The following RFC3 variants were observed in gnomAD, a reference collection of about 807,000 sequenced individuals.
The protein encoded by RFC3 is A1 38 kDa subunit.
RFC3 carries 41 observed loss-of-function variants against 45.1 expected under a neutral mutation model. The ratio of observed to expected loss-of-function variants is 0.91; its 90% confidence interval spans 0.71 to 1.18. The LOEUF (loss-of-function observed/expected upper bound fraction) is 1.18, where lower values mean the gene tolerates loss of function less well. Ranked by LOEUF, RFC3 falls within the 50% of genes most tolerant of loss-of-function variation. The probability of loss-of-function intolerance (pLI) is 0.00; values close to 1 mark genes in which losing one functional copy is unlikely to be tolerated. For missense variants in RFC3, 423 were observed against 428.1 expected, an observed-to-expected ratio of 0.99 and a Z score of 0.10; for synonymous variants, 149 against 144.0, an observed-to-expected ratio of 1.03 and a Z score of -0.25.
intron 8 of RFC3, among the ~76,000 whole-genome samples, chr13:33,845,340 A>G (rs1275660320): frequency 1.3e-5 from 2 of 151,632 alleles, no homozygotes; most frequent in Non-Finnish European, 2.9e-5. Flanking sequence ...GTTCTCTGTT[A>G]CTATCCATTT....
intron 8 of RFC3, among the ~76,000 whole-genome samples, chr13:33,865,482 G>A (rs117543083): frequency 4.0e-5 from 6 of 151,888 alleles, no homozygotes; most frequent in African/African-American, 7.3e-5. Context: ...TAAGAAAAGA[G>A]TAACAGGACT....
downstream of RFC3, among the ~76,000 whole-genome samples, chr13:33,838,072 A>G (rs146040873): frequency 1.3e-5 from 2 of 152,012 alleles, no homozygotes; most frequent in African/African-American, 4.8e-5. Flanking sequence ...AAATATTGAA[A>G]TCTCCCTCCA....
intron 8 of RFC3, among the ~76,000 whole-genome samples, chr13:33,945,686 C>T (rs933828242): frequency 6.6e-6 from 1 of 152,192 alleles, no homozygotes; most frequent in African/African-American, 2.4e-5. Context: ...CACTACATGC[C>T]TTTAGGGATA....
At chr13:33,880,153 T>G (rs1253181682) in intron 8 of RFC3, among the ~76,000 whole-genome samples, 1 of 152,202 alleles carries the variant, frequency 6.6e-6, no homozygotes, top group Non-Finnish European at 1.5e-5. Flanking sequence ...TTCTGAGGAT[T>G]AGGACATAGA....
intron 8 of RFC3, among the ~76,000 whole-genome samples, chr13:33,949,156 A>G (rs2082973199): frequency 6.6e-6 from 1 of 152,086 alleles, no homozygotes; most frequent in Non-Finnish European, 1.5e-5. Context: ...GCATGGGGGC[A>G]GTTTCCCCCA....
intron 8 of RFC3, among the ~76,000 whole-genome samples, chr13:33,957,288 C>G (rs1355549368): frequency 6.6e-6 from 1 of 152,172 alleles, no homozygotes; most frequent in Non-Finnish European, 1.5e-5. Flanking sequence ...GATGATCAAG[C>G]CTGCATTTCT....
chr13:33,899,783 A>C (rs2082627902), intron 8 of RFC3, among the ~76,000 whole-genome samples: 1 of 151,970 alleles, frequency 6.6e-6, no homozygotes, highest in African/African-American at 2.4e-5. Flanking sequence ...AGAAAAACCT[A>C]AAGACTTCAC....
At chr13:33,863,214 A>AATAC (rs1349847798) in intron 8 of RFC3, among the ~76,000 whole-genome samples, 1 of 152,252 alleles carries the variant, frequency 6.6e-6, no homozygotes, top group Admixed American at 6.5e-5. Flanking sequence ...GAATGAAAAC[A>AATAC]ATACATACAT....
At chr13:33,934,931 C>G (rs1223937223) in intron 8 of RFC3, among the ~76,000 whole-genome samples, 2 of 152,156 alleles carry the variant, frequency 1.3e-5, no homozygotes, top group African/African-American at 4.8e-5. Flanking sequence ...CGAATCCCCC[C>G]ATTCCTGATG....
At chr13:33,861,189 T>C (rs2082338611) in intron 8 of RFC3, among the ~76,000 whole-genome samples, 1 of 152,342 alleles carries the variant, frequency 6.6e-6, no homozygotes, top group South Asian at 2.1e-4. Flanking sequence ...TTGTAAAATA[T>C]AAAAATAGAG....
chr13:33,972,915 G>C, the RFC3 span, among the ~76,000 whole-genome samples: 1 of 152,146 alleles, frequency 6.6e-6, no homozygotes, highest in Non-Finnish European at 1.5e-5. Context: ...GGCTTTATGG[G>C]ACCTACCTTG....
At chr13:33,971,049 TAA>T (rs368759572), downstream of RFC3, among the ~76,000 whole-genome samples, 1 of 151,836 alleles carries the variant, frequency 6.6e-6, no homozygotes, top group Non-Finnish European at 1.5e-5. Context: ...CCTTTTTTAT[TAA>T]AAAAAATATA....
In RFC3 at chr13:33,818,231, A is replaced by G. The variant is rs781125577; in HGVS notation, c.53A>G (p.Tyr18Cys). 30 of 1,613,564 alleles carry G rather than the reference A, an allele frequency of 1.9e-5. 1 individual carries two copies. The South Asian group carries it at 2.3e-4, about 12-fold the overall frequency. Reference protein sequence around the residue: ...YRPCSLGRLDYHKEQAAQLRN... With the variant: ...YRPCSLGRLDCHKEQAAQLRN... Reference sequence around the variant, plus strand: ...CCCTGCTCCTTGGGACGGCTGGACTATCACAAGGAGCAGGCGGCCCAGCTG... The same window carrying G: ...CCCTGCTCCTTGGGACGGCTGGACTGTCACAAGGAGCAGGCGGCCCAGCTG... Residue 18 changes from tyrosine (Y) to cysteine (C), a missense_variant, in exon 1 of 9, where the codon TAT becomes TGT. Physicochemically the swap from Tyr to Cys is radical, Grantham distance 194. Coordinates refer to ENST00000380071, the MANE Select transcript of RFC3 (RefSeq NM_002915.4).
At chr13:33,958,650 G>A (rs1033622538) in intron 8 of RFC3, among the ~76,000 whole-genome samples, 1 of 152,230 alleles carries the variant, frequency 6.6e-6, no homozygotes, top group Non-Finnish European at 1.5e-5. Flanking sequence ...GTGGGATGAT[G>A]TCTGGAGTTT....
intron 8 of RFC3, among the ~76,000 whole-genome samples, chr13:33,929,933 A>C (rs1294307068): frequency 6.6e-6 from 1 of 152,132 alleles, no homozygotes; most frequent in East Asian, 1.9e-4. Flanking sequence ...TAAGCATTTT[A>C]AAGTTCTTAA....
At chr13:33,928,354 T>G (rs1399025910) in intron 8 of RFC3, among the ~76,000 whole-genome samples, 5 of 152,120 alleles carry the variant, frequency 3.3e-5, no homozygotes, top group Non-Finnish European at 7.4e-5. Flanking sequence ...GTTGTAAAGG[T>G]TGATACCTGC....
intron 8 of RFC3, among the ~76,000 whole-genome samples, chr13:33,843,071 T>G (rs1341740211): frequency 1.3e-5 from 2 of 152,078 alleles, no homozygotes; most frequent in African/African-American, 4.8e-5. Context: ...ACACATTCCT[T>G]AAAAAGTAAA....
At chr13:33,928,379 C>T (rs906481910) in intron 8 of RFC3, among the ~76,000 whole-genome samples, 4 of 152,074 alleles carry the variant, frequency 2.6e-5, no homozygotes, top group Non-Finnish European at 2.9e-5. Context: ...AATGTGAGTC[C>T]TAAATTTTCC....
At chr13:33,946,428 C>T (rs2082954870) in intron 8 of RFC3, among the ~76,000 whole-genome samples, 4 of 152,012 alleles carry the variant, frequency 2.6e-5, no homozygotes, top group Admixed American at 2.6e-4. Context: ...TGAGGACTCC[C>T]AAGAGCTTTT....
Sources: gnomAD v4.1 joint callset for allele counts (sites outside exome capture counted in the v4.1 genomes callset) on GRCh38, gnomAD v4.1.1 for gene constraint, MANE v1.5 for transcripts, NCBI Gene and HGNC (gene_info 2026-07-23, HGNC 2026-07-21) for gene names.